The following DYNC2H1 variants were observed in gnomAD, a reference collection of about 807,000 sequenced individuals.
DYNC2H1 encodes dynein cytoplasmic 2 heavy chain 1.
Under a neutral mutation model 570.0 loss-of-function variants are expected in DYNC2H1, and 410 were observed. The ratio of observed to expected loss-of-function variants is 0.72; its 90% CI spans 0.66 to 0.78. The LOEUF (loss-of-function observed/expected upper bound fraction) is 0.78. Ranked by LOEUF, DYNC2H1 falls within the 30% of genes least tolerant of loss-of-function variation. DYNC2H1 has a pLI of 0.00. For missense variants in DYNC2H1, 4,865 were observed against 5,046.4 expected (o/e 0.96, Z 1.09); for synonymous variants, 1,688 against 1,677.6 (o/e 1.01, Z -0.15).
chr11:103,287,460 A>G (rs969611844), intron 74 of DYNC2H1, 73 bp from the exon 75 acceptor site: 10 of 1,158,376 alleles, frequency 8.6e-6, no homozygotes, highest in Non-Finnish European at 1.2e-5. Flanking sequence ...TAATTAGTTA[A>G]CATTAATTAT....
rs1212488092 is a variant in DYNC2H1, at chr11:103,472,429, T to C, written c.12765+3724T>C. Among the ~76,000 whole-genome samples, 1 of 152,116 alleles carries C rather than the reference T, an allele frequency of 6.6e-6. No homozygotes were observed. Among genetic ancestry groups the C allele is most frequent in the Non-Finnish European group, 1.5e-5 (1 of 68,020 alleles). On this transcript the variant is annotated intron_variant, in intron 88 of 88. Coordinates refer to ENST00000375735, the MANE Select transcript of DYNC2H1 (RefSeq NM_001377.3). This position sits in a 1 kb window ranked among gnomAD's most constrained non-coding sequence, Gnocchi z 4.1. ...GAACAGGAGTATGGTAAGATCAGATTTGTAGTTTTAGAAAATCGGTCTAGC... is the reference window on the plus strand; with the variant it reads ...GAACAGGAGTATGGTAAGATCAGATCTGTAGTTTTAGAAAATCGGTCTAGC...
rs758118161 is a variant in DYNC2H1 at position 103,235,689 on chromosome 11, G to C, written c.9585G>C (p.Glu3195Asp). The stretch of plus-strand genomic sequence containing the variant: ...TTTTCCAGGTTGTAGAGATAACAGA[G>C]GAATTAGCTACTCTTCCTAAAAGAG... ...RWNAQVVEIT[E>D]ELATLPKRAQ... Residue 3195 changes from glutamate to aspartate, a missense_variant, in exon 62 of 89, where the codon GAG becomes GAC. Physicochemically the swap from Glu to Asp is conservative, Grantham distance 45. This residue lies in a region of DYNC2H1 where 2,401 missense variants were observed against 2,454.6 expected (regional missense o/e 0.98). Coordinates refer to ENST00000375735, the MANE Select transcript of DYNC2H1 (RefSeq NM_001377.3). 87 of 1,609,334 alleles carry C rather than the reference G, an allele frequency of 5.4e-5. No individual in the cohort carries two copies. The highest frequency in any genetic ancestry group is 6.8e-5 in the Non-Finnish European group (80 of 1,177,452).
chr11:103,128,708 A>T (rs186496681), intron 12 of DYNC2H1, among the ~76,000 whole-genome samples: 125 of 152,316 alleles, frequency 8.2e-4, no homozygotes, highest in Non-Finnish European at 1.3e-3. Flanking sequence ...TCAGGACATG[A>T]CTTGGCAAAT....
At chr11:103,211,586 A>C (rs1418993085) in intron 53 of DYNC2H1, among the ~76,000 whole-genome samples, 4 of 152,058 alleles carry the variant, frequency 2.6e-5, no homozygotes, top group Admixed American at 6.6e-5. Flanking sequence ...AAAACTAGAG[A>C]ACTCAAAATT....
intron 88 of DYNC2H1, among the ~76,000 whole-genome samples, chr11:103,477,832 CAAAAAAAAAA>C (rs55817710): frequency 4.1e-5 from 3 of 72,620 alleles, no homozygotes; most frequent in African/African-American, 5.5e-5. Context: ...CTCCCCATCT[CAAAAAAAAAA>C]AAAAAAAAAA....
chr11:103,255,882 T>A (rs1865037671), intron 67 of DYNC2H1, among the ~76,000 whole-genome samples: 1 of 152,056 alleles, frequency 6.6e-6, no homozygotes, highest in Non-Finnish European at 1.5e-5. Flanking sequence ...CCTTGCTATG[T>A]TTGATAATGA....
Position 103,245,460 on chromosome 11 carries a change from C to T in DYNC2H1, c.10042+86C>T. On this transcript the variant is annotated intron_variant, in intron 65 of 88. Coordinates refer to ENST00000375735, the MANE Select transcript of DYNC2H1 (RefSeq NM_001377.3). The surrounding 1 kb of genome is among the most constrained non-coding windows in gnomAD (Gnocchi z 4.5). ...AACCAGGTGCAAGCTTTCAAGAGTC[C>T]TCTTCCAGTGGAGTCACACATGATG... The T allele has an allele frequency of 7.4e-7, 1 of 1,358,476 alleles. No homozygotes were observed. The highest frequency in any genetic ancestry group is 9.9e-7 in the Non-Finnish European group (1 of 1,008,904). 84.2% of individuals were successfully genotyped at this position (1,358,476 alleles called of 1,614,324 possible).
intron 75 of DYNC2H1, among the ~76,000 whole-genome samples, chr11:103,293,206 G>C (rs1866683442): frequency 1.4e-5 from 2 of 146,002 alleles, no homozygotes; most frequent in Admixed American, 1.4e-4. Context: ...TAAGTTGGAA[G>C]CTTTTTTTTG....
At chr11:103,260,768 C>T (rs998154228) in intron 70 of DYNC2H1, among the ~76,000 whole-genome samples, 3 of 151,766 alleles carry the variant, frequency 2.0e-5, no homozygotes, top group Non-Finnish European at 2.9e-5. Flanking sequence ...TACTGGCGTG[C>T]ACCACCATGC....
intron 87 of DYNC2H1, among the ~76,000 whole-genome samples, chr11:103,456,753 C>G (rs945907731): frequency 2.0e-5 from 3 of 152,200 alleles, no homozygotes; most frequent in Non-Finnish European, 4.4e-5. Flanking sequence ...TTTTTGATTG[C>G]CAATGTGATA....
At chr11:103,237,044 T>G (rs1225907918) in intron 63 of DYNC2H1, among the ~76,000 whole-genome samples, 2 of 152,052 alleles carry the variant, frequency 1.3e-5, no homozygotes, top group Admixed American at 6.6e-5. Flanking sequence ...AGCATAACCT[T>G]ATTATCAGTG....
intron 12 of DYNC2H1, among the ~76,000 whole-genome samples, chr11:103,127,417 A>G (rs115930027): frequency 0.023 from 3,475 of 152,252 alleles, 148 homozygotes; most frequent in African/African-American, 0.079. Flanking sequence ...AATATATACT[A>G]TTGTATTGCT....
chr11:103,306,086 A>G lies in DYNC2H1; in HGVS notation c.11382+1366A>G, dbSNP rs1008187864. On this transcript the variant is annotated intron_variant, in intron 77 of 88. Transcript: ENST00000375735. ...ATCACCATGCCTGGCTGATTTTTGT[A>G]TTTTTATTAGAGACAGGGTTTTGCC... Among the ~76,000 whole-genome samples, 5 of 150,062 alleles carry G rather than the reference A, an allele frequency of 3.3e-5. No individual in the cohort carries two copies. The South Asian group carries it at 8.5e-4, about 25-fold the overall frequency.
chr11:103,262,282 A>T (rs187393688), intron 70 of DYNC2H1, among the ~76,000 whole-genome samples: 1 of 152,228 alleles, frequency 6.6e-6, no homozygotes, highest in Non-Finnish European at 1.5e-5. Context: ...AGTCTTCAGG[A>T]TATTATCCAG....
In DYNC2H1 at chr11:103,363,429, A is replaced by G. The variant is rs1025729636; in HGVS notation, c.12156+5070A>G. ...CACTCTAAAGATTCTGGAATTTAGC[A>G]ATTTCAAAATTGCTGTTAGGGGTTT... On this transcript the variant is annotated intron_variant, in intron 83 of 88. Coordinates refer to ENST00000375735, the MANE Select transcript of DYNC2H1 (RefSeq NM_001377.3). This position sits in a 1 kb window ranked among gnomAD's most constrained non-coding sequence, Gnocchi z 5.6. Among the ~76,000 whole-genome samples the G allele has an allele frequency of 6.6e-6, 1 of 152,176 alleles. No individual in the cohort carries two copies. The highest frequency in any genetic ancestry group is 2.4e-5 in the African/African-American group (1 of 41,446).
At chr11:103,214,676 C>T (rs79474877) in intron 54 of DYNC2H1, among the ~76,000 whole-genome samples, 103 of 151,994 alleles carry the variant, frequency 6.8e-4, no homozygotes, top group Non-Finnish European at 1.2e-3. Flanking sequence ...CTCCTGACCT[C>T]AAGTGATCCA....
At chr11:103,380,346 A>G (rs894964622) in intron 83 of DYNC2H1, among the ~76,000 whole-genome samples, 4 of 152,220 alleles carry the variant, frequency 2.6e-5, no homozygotes, top group East Asian at 1.9e-4. Flanking sequence ...TTGTTTATTT[A>G]TTTATTAAAT....
In DYNC2H1 at chr11:103,189,788, C is replaced by G. The variant is rs1555062849; in HGVS notation, c.7409C>G (p.Ala2470Gly). The change falls in exon 45 of 89, where the codon GCA becomes GGA. Residue 2470 changes from alanine to glycine, a missense_variant. By Grantham distance (60) the Ala-to-Gly change is moderately conservative. Coordinates refer to ENST00000375735, the MANE Select transcript of DYNC2H1 (RefSeq NM_001377.3). The surrounding 1 kb of genome is among the most constrained non-coding windows in gnomAD (Gnocchi z 4.3). Reference protein sequence around the residue: ...WGSSSKIYLLAGSMVQVYEQV... With the variant: ...WGSSSKIYLLGGSMVQVYEQV... ...TCTTCATCAAAAATTTATCTTTTAG[C>G]AGGATCTATGGTACAAGTGTATGAA... 6.2e-7 allele frequency: 1 copy of G among 1,610,878 alleles called. No homozygotes were observed. The highest frequency in any genetic ancestry group is 1.3e-5 in the African/African-American group (1 of 74,910).
chr11:103,224,793 A>G (rs1863740190), intron 59 of DYNC2H1, among the ~76,000 whole-genome samples: 1 of 152,248 alleles, frequency 6.6e-6, no homozygotes, highest in African/African-American at 2.4e-5. Flanking sequence ...ATCAAAGAGT[A>G]GATCTACTTT....
Sources: allele counts gnomAD v4.1 joint callset (sites outside exome capture counted in the v4.1 genomes callset), GRCh38; gene constraint gnomAD v4.1.1; regional missense constraint gnomAD v4.1.1; non-coding constraint Gnocchi (gnomAD v3.1); transcripts MANE v1.5; gene names NCBI Gene and HGNC (gene_info 2026-07-23, HGNC 2026-07-21).